Variants in MED13L observed in about 807,000 individuals in gnomAD.
The protein encoded by MED13L is mediator complex subunit 13L.
A neutral mutation model predicts 220.9 loss-of-function variants in MED13L; 7 were observed. The observed-to-expected ratio is 0.03, with a 90% CI of 0.02 to 0.06. MED13L has a LOEUF of 0.06. Ranked by LOEUF, MED13L falls within the 10% of genes least tolerant of loss-of-function variation. The pLI is 1.00. For missense variants in MED13L, 1,965 were observed against 2,760.5 expected, an observed-to-expected ratio of 0.71 and a Z score of 6.46; for synonymous variants, 1,011 against 1,015.2, an observed-to-expected ratio of 1.00 and a Z score of 0.08.
chr12:116,242,730 C>T (rs1870765043), intron 1 of MED13L, among the ~76,000 whole-genome samples: 1 of 152,154 alleles, frequency 6.6e-6, no homozygotes, highest in South Asian at 2.1e-4. Flanking sequence ...TCACAACAGA[C>T]AGCTAAAGAA....
intron 13 of MED13L, among the ~76,000 whole-genome samples, chr12:116,005,434 A>T (rs866118885): frequency 6.6e-6 from 1 of 152,256 alleles, no homozygotes. Context: ...TAAAAAGTAT[A>T]AATCATATTT....
At chr12:116,107,879 CA>C (rs1199414061) in intron 3 of MED13L, among the ~76,000 whole-genome samples, 4 of 152,166 alleles carry the variant, frequency 2.6e-5, no homozygotes, top group African/African-American at 9.7e-5. Context: ...ATCACGAGGT[CA>C]GGAGTTCGAG....
At position 115,975,633 on chromosome 12, in the gene MED13L, T is replaced by C. The variant is rs1876883847; in HGVS notation, c.5470A>G (p.Asn1824Asp). The C allele has an allele frequency of 2.5e-6, 4 of 1,614,104 alleles. No homozygotes were observed. The highest frequency in any genetic ancestry group is 3.4e-6 in the Non-Finnish European group (4 of 1,180,008). The change falls in exon 24 of 31, where the codon AAT becomes GAT. Residue 1824 changes from asparagine to aspartate, a missense_variant. Transcript: ENST00000281928. ...AGACAATAGCCCACGAAGAGCACAT[T>C]GTATTTCTGGCTCGCCTCACCAAAC... The part of the protein sequence containing the change: ...ETFGEASQKY[N>D]VLFVGYCLSH...
At chr12:116,040,334 G>A (rs190310359) in intron 4 of MED13L, among the ~76,000 whole-genome samples, 4 of 152,264 alleles carry the variant, frequency 2.6e-5, no homozygotes, top group Non-Finnish European at 5.9e-5. Context: ...GAAGTTATAA[G>A]ATACTATTTG....
In MED13L at chr12:115,991,504, G is replaced by T. The variant is rs78561507; in HGVS notation, c.3450C>A (p.Pro1150=). The change falls in exon 17 of 31, where the codon CCC becomes CCA. Residue 1150 remains proline (P), a synonymous_variant. Transcript: ENST00000281928. The surrounding 1 kb of genome is among the most constrained non-coding windows in gnomAD (Gnocchi z 7.7). ...GGTACTGGTCCTCATTGGAAGAATC[G>T]GGGATGTAAAGCCCGACATCCGCCC... ...IKGADVGLYI[P]DSSNEDQYRC... The T allele has an allele frequency of 1.2e-6, 2 of 1,614,018 alleles. No individual in the cohort carries two copies. Among genetic ancestry groups the T allele is most frequent in the Non-Finnish European group, 1.7e-6 (2 of 1,180,034 alleles).
intron 1 of MED13L, among the ~76,000 whole-genome samples, chr12:116,270,141 GATA>G (rs1361143568): frequency 1.7e-4 from 25 of 151,258 alleles, no homozygotes; most frequent in Admixed American, 1.6e-3. Context: ...CTATACCACA[GATA>G]ATTTTTTTTT....
intron 17 of MED13L, among the ~76,000 whole-genome samples, chr12:115,988,128 C>G (rs924179861): frequency 5.3e-5 from 8 of 152,158 alleles, no homozygotes; most frequent in African/African-American, 1.9e-4. Flanking sequence ...TCTTACCCTT[C>G]TAGCTGATGA....
intron 2 of MED13L, among the ~76,000 whole-genome samples, chr12:116,166,733 A>G (rs1879310035): frequency 6.6e-6 from 1 of 152,228 alleles, no homozygotes; most frequent in African/African-American, 2.4e-5. Context: ...CTACCCTGCC[A>G]ATAACCTAAA....
At chr12:116,180,374 C>G (rs1459352539) in intron 2 of MED13L, among the ~76,000 whole-genome samples, 1 of 152,198 alleles carries the variant, frequency 6.6e-6, no homozygotes, top group Non-Finnish European at 1.5e-5. Flanking sequence ...GTAGTCAAAA[C>G]TGTTTCATGC....
chr12:116,251,295 C>G (rs1871526502), intron 1 of MED13L, among the ~76,000 whole-genome samples: 1 of 128,612 alleles, frequency 7.8e-6, no homozygotes, highest in African/African-American at 2.9e-5. Flanking sequence ...GGCAGAGATT[C>G]TCATCATGGA....
intron 2 of MED13L, among the ~76,000 whole-genome samples, chr12:116,202,808 TA>T (rs1233537209): frequency 1.3e-5 from 2 of 152,310 alleles, no homozygotes; most frequent in East Asian, 3.9e-4. Context: ...TTCTATTCAA[TA>T]AGGCTTCAGA....
chr12:116,039,266 T>C (rs892223262), intron 4 of MED13L, among the ~76,000 whole-genome samples: 14 of 152,236 alleles, frequency 9.2e-5, no homozygotes, highest in Non-Finnish European at 5.9e-5. Context: ...TTCCAACATT[T>C]GGCATTAGCC....
intron 4 of MED13L, among the ~76,000 whole-genome samples, chr12:116,070,788 C>T (rs1870308363): frequency 6.6e-6 from 1 of 152,122 alleles, no homozygotes; most frequent in Non-Finnish European, 1.5e-5. Context: ...TTAATGCTAC[C>T]ACTTTAGGAA....
At chr12:116,183,793 T>C (rs1880686850) in intron 2 of MED13L, among the ~76,000 whole-genome samples, 1 of 141,470 alleles carries the variant, frequency 7.1e-6, no homozygotes, top group South Asian at 2.4e-4. Flanking sequence ...AATTCTTGTG[T>C]AGAAAAAATG....
intron 4 of MED13L, among the ~76,000 whole-genome samples, chr12:116,062,329 T>A (rs1267392236): frequency 6.6e-6 from 1 of 151,964 alleles, no homozygotes; most frequent in East Asian, 2.0e-4. Flanking sequence ...ATATTTTGTA[T>A]TTTTGGTAGA....
intron 14 of MED13L, among the ~76,000 whole-genome samples, chr12:116,000,846 T>C (rs1878694708): frequency 1.3e-5 from 2 of 152,044 alleles, no homozygotes; most frequent in African/African-American, 2.4e-5. Flanking sequence ...CAACACAATA[T>C]CCACTGGCCA....
chr12:115,996,405 T>C (rs1878407017), intron 16 of MED13L, 71 bp downstream of exon 16: 1 of 1,549,114 alleles, frequency 6.5e-7, no homozygotes, highest in Admixed American at 1.7e-5. Context: ...GTCATCATTT[T>C]TAACAAACAT....
rs149126956 is a variant in MED13L, at chr12:116,038,453, G to A, written c.480-15852C>T. Among the ~76,000 whole-genome samples, 6 of 152,104 alleles carry A rather than the reference G, an allele frequency of 3.9e-5. No individual in the cohort carries two copies. The East Asian group carries it at 1.2e-3, about 29-fold the overall frequency. ...GGTGTACCTTCCCAAATTACAAAAT[G>A]TGTCTCATTGTACACCTTAAAATCA... On this transcript the variant is annotated intron_variant, in intron 4 of 30. Coordinates refer to ENST00000281928, the MANE Select transcript of MED13L (RefSeq NM_015335.5).
intron 3 of MED13L, among the ~76,000 whole-genome samples, chr12:116,109,740 T>C (rs1873915872): frequency 6.6e-6 from 1 of 152,160 alleles, no homozygotes. Flanking sequence ...GAGACAGAAT[T>C]ACCAAATATT....
Sources: allele counts gnomAD v4.1 joint callset (sites outside exome capture counted in the v4.1 genomes callset), GRCh38; gene constraint gnomAD v4.1.1; non-coding constraint Gnocchi (gnomAD v3.1); transcripts MANE v1.5; gene names NCBI Gene and HGNC (gene_info 2026-07-23, HGNC 2026-07-21).